The following SLC15A1 variants were observed in gnomAD, a reference collection of about 807,000 sequenced individuals.
SLC15A1 encodes the protein solute carrier family 15 member 1.
Under a neutral mutation model 92.9 loss-of-function variants are expected in SLC15A1, and 83 were observed. That is an observed-to-expected ratio of 0.89 (90% confidence interval 0.75 to 1.07). The LOEUF (loss-of-function observed/expected upper bound fraction) is 1.07, where lower values mean the gene tolerates loss of function less well. SLC15A1 is among the 50% of genes least tolerant of loss of function. The pLI, the probability that SLC15A1 is intolerant of heterozygous loss-of-function variation, is 0.00. For missense variants in SLC15A1, 857 were observed against 880.1 expected, an observed-to-expected ratio of 0.97 and a Z score of 0.33; for synonymous variants, 322 against 318.2, an observed-to-expected ratio of 1.01 and a Z score of -0.13.
chr13:98,692,136 C>A (rs1205887410), intron 18 of SLC15A1, among the ~76,000 whole-genome samples: 1 of 67,642 alleles, frequency 1.5e-5, no homozygotes. Context: ...TTCTCCTAAA[C>A]TTTTTTTTTT....
chr13:98,718,323 TTTTTTTTTTTTTTTGA>T (rs2088227788), intron 8 of SLC15A1, among the ~76,000 whole-genome samples: 1 of 78,678 alleles, frequency 1.3e-5, no homozygotes, highest in Non-Finnish European at 3.3e-5. Context: ...TTTTTTTTTT[TTTTTTTTTTTTTTTGA>T]GACAGGGTCT....
rs770163558 is a variant in SLC15A1 at position 98,686,210 on chromosome 13, C to A, written c.1915G>T (p.Ala639Ser). ...GNIIVLIVAG[A>S]GQFSKQWAEY... ...CATACCTGTTTGCTGAACTGGCCTG[C>A]CCCTGCCACGATGAGCACAATGATG... Residue 639 changes from alanine (A) to serine (S), a missense_variant, in exon 22 of 23, where the codon GCA (alanine) becomes TCA (serine). Ala to Ser is a moderately conservative substitution (Grantham distance 99). Transcript: ENST00000376503. 9 of 1,613,500 alleles carry A rather than the reference C, an allele frequency of 5.6e-6. No homozygotes were observed. Among genetic ancestry groups the A allele is most frequent in the Non-Finnish European group, 7.6e-6 (9 of 1,179,668 alleles).
chr13:98,743,321 A>G (rs2088464479), intron 1 of SLC15A1, among the ~76,000 whole-genome samples: 1 of 152,184 alleles, frequency 6.6e-6, no homozygotes, highest in African/African-American at 2.4e-5. Flanking sequence ...TCCACACACA[A>G]CTATCTAAAA....
intron 4 of SLC15A1, among the ~76,000 whole-genome samples, chr13:98,725,080 C>T (rs1258346260): frequency 6.6e-6 from 1 of 152,090 alleles, no homozygotes; most frequent in African/African-American, 2.4e-5. Flanking sequence ...CCTGACACTT[C>T]CCTCCTCTCT....
chr13:98,693,596 C>A (rs1273681963), intron 18 of SLC15A1, among the ~76,000 whole-genome samples: 2 of 152,060 alleles, frequency 1.3e-5, no homozygotes, highest in Non-Finnish European at 2.9e-5. Context: ...TGTGAGAGTT[C>A]TTTATGTATT....
intron 4 of SLC15A1, among the ~76,000 whole-genome samples, chr13:98,725,372 C>T (rs2088290195): frequency 6.6e-6 from 1 of 152,172 alleles, no homozygotes; most frequent in South Asian, 2.1e-4. Context: ...GACAACATCC[C>T]ACTGGGTGTG....
rs8187812 is a variant in SLC15A1 at position 98,711,911 on chromosome 13, C to G, written c.843G>C (p.Thr281=). Residue 281 remains threonine (T), a synonymous_variant, in exon 11 of 23, where the codon ACG becomes ACC. Transcript: ENST00000376503. ...ERLISQIKMV[T]RVMFLYIPLP... ...GTGGAATATACAGGAACATCACCCTCGTAACCATCTTAATTTGGGAGATGA... is the reference window on the plus strand; with the variant it reads ...GTGGAATATACAGGAACATCACCCTGGTAACCATCTTAATTTGGGAGATGA... The G allele has an allele frequency of 9.4e-5, 151 of 1,613,168 alleles. No individual in the cohort carries two copies. Among genetic ancestry groups the G allele is most frequent in the South Asian group, 8.0e-4 (73 of 91,026 alleles).
At chr13:98,710,400 C>G (rs1461996212) in intron 11 of SLC15A1, among the ~76,000 whole-genome samples, 1 of 152,144 alleles carries the variant, frequency 6.6e-6, no homozygotes, top group Admixed American at 6.5e-5. Context: ...TTACAGTCAA[C>G]CTATTTCACA....
intron 18 of SLC15A1, among the ~76,000 whole-genome samples, chr13:98,696,146 G>C (rs959047591): frequency 6.6e-6 from 1 of 151,732 alleles, no homozygotes; most frequent in African/African-American, 2.4e-5. Flanking sequence ...GGGCACGGTG[G>C]CTCGCAACTG....
At chr13:98,721,213 C>T (rs1356296283) in intron 7 of SLC15A1, 6 of 581,086 alleles carry the variant, frequency 1.0e-5, no homozygotes, top group Admixed American at 4.4e-5. Context: ...CCTCTTACCA[C>T]GAGCATGACT....
At chr13:98,696,858 G>T (rs79241963) in intron 18 of SLC15A1, among the ~76,000 whole-genome samples, 7 of 152,148 alleles carry the variant, frequency 4.6e-5, no homozygotes, top group Admixed American at 4.6e-4. Flanking sequence ...ATTAGGATGG[G>T]TCTTAATCCA....
Position 98,704,322 on chromosome 13 carries a change from C to T in SLC15A1, c.1383G>A (p.Thr461=), listed in dbSNP as rs764031086. The T allele has an allele frequency of 4.1e-5, 66 of 1,613,028 alleles. No homozygotes were observed. Among genetic ancestry groups the T allele is most frequent in the East Asian group, 6.7e-5 (3 of 44,830 alleles). The stretch of plus-strand genomic sequence containing the variant: ...AGTGATTGGGGGCCCACACTAGAAG[C>T]GTGTGGCGTTGGCCCTGCTTGAAGT... ...TDDFKQGQRH[T]LLVWAPNHYQ... Residue 461 remains threonine (T), a synonymous_variant, in exon 17 of 23, where the codon ACG becomes ACA. Coordinates refer to ENST00000376503, the MANE Select transcript of SLC15A1 (RefSeq NM_005073.4).
chr13:98,721,642 G>A (rs1207965865), intron 6 of SLC15A1, 57 bp from the exon 7 acceptor site: 13 of 1,321,838 alleles, frequency 9.8e-6, no homozygotes, highest in Non-Finnish European at 1.4e-5. Flanking sequence ...TGAGCACAGG[G>A]AGCTGATGAT....
chr13:98,695,947 C>T (rs112516199), intron 18 of SLC15A1, among the ~76,000 whole-genome samples: 1,657 of 152,068 alleles, frequency 0.011, 30 homozygotes, highest in African/African-American at 0.038. Context: ...TTCCCTAGAG[C>T]CTCACTGAAA....
intron 4 of SLC15A1, 77 bp downstream of exon 4, chr13:98,726,046 G>A: frequency 1.3e-6 from 2 of 1,542,444 alleles, no homozygotes; most frequent in South Asian, 1.2e-5. Context: ...ATCATTCCCA[G>A]ATTCCACCAT....
chr13:98,698,209 G>A (rs1236236883), intron 18 of SLC15A1, among the ~76,000 whole-genome samples: 2 of 152,132 alleles, frequency 1.3e-5, no homozygotes, highest in Non-Finnish European at 2.9e-5. Flanking sequence ...AGGATATAAA[G>A]TAACATTTTC....
chr13:98,691,624 A>G (rs2087977787), intron 18 of SLC15A1, among the ~76,000 whole-genome samples: 1 of 152,174 alleles, frequency 6.6e-6, no homozygotes, highest in Non-Finnish European at 1.5e-5. Flanking sequence ...TTGTGTTGAT[A>G]TCTGATTAAT....
At chr13:98,750,477 T>C (rs2088535387) in intron 1 of SLC15A1, among the ~76,000 whole-genome samples, 1 of 152,214 alleles carries the variant, frequency 6.6e-6, no homozygotes, top group Non-Finnish European at 1.5e-5. Context: ...CTAAGTCTAA[T>C]AAATGCCTTA....
At chr13:98,700,401 C>A (rs1176673026) in intron 18 of SLC15A1, among the ~76,000 whole-genome samples, 1 of 143,866 alleles carries the variant, frequency 7.0e-6, no homozygotes, top group African/African-American at 2.6e-5. Flanking sequence ...AGAAGGATCA[C>A]TTGAGCCCAG....
Sources: gnomAD v4.1 joint callset for allele counts (sites outside exome capture counted in the v4.1 genomes callset) on GRCh38, gnomAD v4.1.1 for gene constraint, MANE v1.5 for transcripts, NCBI Gene and HGNC (gene_info 2026-07-23, HGNC 2026-07-21) for gene names.